CATSPERE: variants seen among roughly 807,000 people sequenced by gnomAD.
CATSPERE encodes catsper channel auxiliary subunit epsilon.
In CATSPERE, 93 loss-of-function variants were observed where a neutral mutation model predicts 114.1. The ratio of observed to expected loss-of-function variants is 0.81; its 90% CI spans 0.69 to 0.97. The LOEUF is 0.97. Among genes scored for constraint, CATSPERE ranks in the 50% least tolerant of loss-of-function variants. CATSPERE has a pLI of 0.00. For synonymous variants in CATSPERE, 341 were observed against 384.1 expected (o/e 0.89, Z 1.31); for missense variants, 1,058 against 1,131.6 (o/e 0.93, Z 0.93).
At chr1:244,479,028 C>CAAAA (rs1161485991) in intron 4 of CATSPERE, among the ~76,000 whole-genome samples, 9 of 47,510 alleles carry the variant, frequency 1.9e-4, no homozygotes, top group Admixed American at 6.1e-4. Context: ...AACTTCGTCT[C>CAAAA]AAAAAAAAAA....
chr1:244,541,351 T>C (rs1189026192), intron 8 of CATSPERE, among the ~76,000 whole-genome samples: 1 of 149,716 alleles, frequency 6.7e-6, no homozygotes, highest in Admixed American at 6.6e-5. Context: ...GCGAAGGACA[T>C]GAACAGGCAC....
chr1:244,461,569 C>G, intron 1 of CATSPERE, 75 bp downstream of exon 1: 1 of 1,197,326 alleles, frequency 8.4e-7, no homozygotes, highest in Non-Finnish European at 1.1e-6. Context: ...GGGTCCTGCT[C>G]TCCACCCCAT....
At chr1:244,585,701 G>A (rs1238043352) in intron 13 of CATSPERE, among the ~76,000 whole-genome samples, 1 of 152,212 alleles carries the variant, frequency 6.6e-6, no homozygotes, top group African/African-American at 2.4e-5. Context: ...TTAGGCCCTT[G>A]CTAAACCTGC....
intron 17 of CATSPERE, chr1:244,598,629 G>T (rs1252299560): frequency 8.5e-6 from 3 of 351,834 alleles, no homozygotes; most frequent in African/African-American, 4.3e-5. Context: ...CTTTTCCACG[G>T]TGTGGCACTG....
intron 2 of CATSPERE, among the ~76,000 whole-genome samples, chr1:244,474,499 T>A (rs192918353): frequency 0.011 from 1,736 of 152,074 alleles, 40 homozygotes; most frequent in African/African-American, 0.04. Flanking sequence ...CTATATTCTA[T>A]AATTGTTCTT....
At chr1:244,603,314 G>T (rs544116278) in intron 17 of CATSPERE, among the ~76,000 whole-genome samples, 39 of 152,258 alleles carry the variant, frequency 2.6e-4, no homozygotes, top group Admixed American at 1.7e-3. Context: ...ACAAGGATTT[G>T]TCTAATAGGT....
intron 11 of CATSPERE, among the ~76,000 whole-genome samples, chr1:244,578,138 A>C (rs553134296): frequency 6.6e-6 from 1 of 152,210 alleles, no homozygotes; most frequent in East Asian, 1.9e-4. Context: ...TATAACTTTT[A>C]CTGGTTTATT....
chr1:244,551,285 G>A (rs553348945), intron 8 of CATSPERE, among the ~76,000 whole-genome samples: 1 of 152,296 alleles, frequency 6.6e-6, no homozygotes, highest in South Asian at 2.1e-4. Context: ...GCGGCTAAGA[G>A]AGACAGTAAT....
chr1:244,491,755 AG>A (rs1299970313), intron 6 of CATSPERE, among the ~76,000 whole-genome samples: 1 of 152,228 alleles, frequency 6.6e-6, no homozygotes, highest in Non-Finnish European at 1.5e-5. Context: ...AAAATGATAA[AG>A]GGGATATCAC....
At chr1:244,534,418 G>A (rs1349333475) in intron 8 of CATSPERE, among the ~76,000 whole-genome samples, 1 of 152,000 alleles carries the variant, frequency 6.6e-6, no homozygotes, top group Admixed American at 6.6e-5. Flanking sequence ...CGTTGAGGCT[G>A]TTTTCTAGAT....
intron 6 of CATSPERE, among the ~76,000 whole-genome samples, chr1:244,498,442 T>C (rs1046169628): frequency 1.3e-5 from 2 of 152,216 alleles, no homozygotes; most frequent in African/African-American, 2.4e-5. Flanking sequence ...ATTTTTAATA[T>C]AATTTTTAAG....
Position 244,552,384 on chromosome 1 carries a change from A to C in CATSPERE, c.599A>C (p.Gln200Pro). ...GCACTAAAGGAGATTAGAGGAAACC[A>C]AGTTACTTTTCAGGATTGCTTTATT... is the stretch of plus-strand genomic sequence containing the variant. ...DDALKEIRGN[Q>P]VTFQDCFIAD... Residue 200 changes from glutamine (Q) to proline (P), a missense_variant, in exon 9 of 22, where the codon CAA (glutamine) becomes CCA (proline). Physicochemically the swap from Gln to Pro is moderately conservative, Grantham distance 76. Around this residue, in one of 2 missense-constraint regions of CATSPERE, gnomAD observed 787 missense variants for 905.6 expected, o/e 0.87. Transcript: ENST00000366534. 3 of 1,614,158 alleles carry C rather than the reference A, an allele frequency of 1.9e-6. No homozygotes were observed. The highest frequency in any genetic ancestry group is 1.1e-5 in the South Asian group (1 of 91,072).
intron 17 of CATSPERE, among the ~76,000 whole-genome samples, chr1:244,602,205 T>C (rs1404816426): frequency 1.3e-5 from 2 of 152,202 alleles, no homozygotes; most frequent in African/African-American, 4.8e-5. Context: ...AACCTTTTAC[T>C]TCCAATTATC....
chr1:244,516,771 G>A (rs890961914), intron 7 of CATSPERE, among the ~76,000 whole-genome samples: 1 of 152,004 alleles, frequency 6.6e-6, no homozygotes, highest in African/African-American at 2.4e-5. Context: ...ATCCACCTAC[G>A]TTGGCCTCCC....
chr1:244,583,459 AG>A (rs748151813), intron 12 of CATSPERE, among the ~76,000 whole-genome samples: 1 of 152,116 alleles, frequency 6.6e-6, no homozygotes, highest in Non-Finnish European at 1.5e-5. Context: ...TATCAATACG[AG>A]GGGAAAACGG....
chr1:244,590,451 A>G (rs1667575816), intron 14 of CATSPERE, among the ~76,000 whole-genome samples: 1 of 152,222 alleles, frequency 6.6e-6, no homozygotes, highest in Non-Finnish European at 1.5e-5. Context: ...TTCACATAAT[A>G]TAAATTTACC....
rs776733609 is a variant in CATSPERE, at chr1:244,610,208, C to T, written c.2404-32C>T. 3 of 1,419,664 alleles carry T rather than the reference C, an allele frequency of 2.1e-6. No individual in the cohort carries two copies. In the Admixed American group the frequency reaches 6.0e-5, roughly 28 times the overall value. 87.9% of individuals were successfully genotyped at this position (1,419,664 alleles called of 1,614,324 possible). A position where few individuals can be genotyped will look rare whatever the true frequency, so the allele number is the denominator to read the frequency against. On this transcript the variant is annotated intron_variant, in intron 18 of 21. Coordinates refer to ENST00000366534, the MANE Select transcript of CATSPERE (RefSeq NM_001130957.2). The stretch of plus-strand genomic sequence containing the variant: ...GAATAAGTTGATATGAAAACTTCTA[C>T]CTACCCACATACATGTGCCATCTTT...
chr1:244,544,674 T>C (rs1659440739), intron 8 of CATSPERE, among the ~76,000 whole-genome samples: 1 of 152,194 alleles, frequency 6.6e-6, no homozygotes, highest in African/African-American at 2.4e-5. Flanking sequence ...AACTAGAAGA[T>C]GCAGGGATGG....
chr1:244,510,797 A>G (rs1004123877), intron 7 of CATSPERE, among the ~76,000 whole-genome samples: 31 of 139,376 alleles, frequency 2.2e-4, no homozygotes, highest in Middle Eastern at 4.1e-3. Flanking sequence ...TGTTGAGTGC[A>G]TATAACATTT....
Sources: gnomAD v4.1 joint callset for allele counts (sites outside exome capture counted in the v4.1 genomes callset) on GRCh38, gnomAD v4.1.1 for gene constraint, gnomAD v4.1.1 regional missense constraint, MANE v1.5 for transcripts, NCBI Gene and HGNC (gene_info 2026-07-23, HGNC 2026-07-21) for gene names.